Variants in PABPC4L observed in about 807,000 individuals in gnomAD.
PABPC4L encodes poly(A) binding protein cytoplasmic 4 like.
For synonymous variants in PABPC4L, 169 were observed against 164.1 expected (o/e 1.03, Z -0.23); for missense variants, 452 against 451.4 (o/e 1.00, Z -0.01).
the PABPC4L span, among the ~76,000 whole-genome samples, chr4:134,161,392 C>T: frequency 6.6e-6 from 1 of 151,796 alleles, no homozygotes; most frequent in Non-Finnish European, 1.5e-5. Context: ...CAGAACTTTA[C>T]AAACACAAGG....
At chr4:134,050,880 A>ATTTTT in the PABPC4L span, among the ~76,000 whole-genome samples, 1 of 134,732 alleles carries the variant, frequency 7.4e-6, no homozygotes, top group Non-Finnish European at 1.6e-5. Flanking sequence ...ATTGACCTTT[A>ATTTTT]TTTTTTTTTT....
the PABPC4L span, among the ~76,000 whole-genome samples, chr4:133,952,524 G>C: frequency 6.6e-6 from 1 of 152,038 alleles, no homozygotes; most frequent in Admixed American, 6.5e-5. Flanking sequence ...TGACATGCAG[G>C]GTTCCAATAG....
the PABPC4L span, among the ~76,000 whole-genome samples, chr4:134,138,237 A>G: frequency 4.6e-5 from 7 of 151,854 alleles, no homozygotes; most frequent in African/African-American, 1.7e-4. Flanking sequence ...ATTTTGTACT[A>G]GAATATTAAT....
the PABPC4L span, among the ~76,000 whole-genome samples, chr4:134,186,786 C>A: frequency 6.6e-6 from 1 of 152,104 alleles, no homozygotes; most frequent in African/African-American, 2.4e-5. Context: ...TTTTTGCAAT[C>A]TACCCATCTG....
chr4:134,000,956 A>G, the PABPC4L span, among the ~76,000 whole-genome samples: 1 of 152,084 alleles, frequency 6.6e-6, no homozygotes, highest in East Asian at 1.9e-4. Context: ...TAATCTCAGG[A>G]GGCAACACTT....
the PABPC4L span, among the ~76,000 whole-genome samples, chr4:133,966,284 T>C: frequency 1.4e-4 from 21 of 152,012 alleles, no homozygotes; most frequent in Admixed American, 1.4e-3. Context: ...TCTGTAACAA[T>C]GGCCATAATA....
the PABPC4L span, among the ~76,000 whole-genome samples, chr4:134,095,567 C>A: frequency 6.6e-6 from 1 of 151,870 alleles, no homozygotes; most frequent in East Asian, 1.9e-4. Flanking sequence ...ATATTGCATC[C>A]TTGGCCTAAT....
the PABPC4L span, among the ~76,000 whole-genome samples, chr4:134,006,953 A>G: frequency 2.6e-5 from 4 of 151,880 alleles, no homozygotes; most frequent in Non-Finnish European, 4.4e-5. Context: ...CAAGTTTATG[A>G]TATGTAATTA....
chr4:134,142,427 A>G, the PABPC4L span, among the ~76,000 whole-genome samples: 1 of 151,764 alleles, frequency 6.6e-6, no homozygotes, highest in East Asian at 1.9e-4. Context: ...GAATATGCAT[A>G]AAAATATTAA....
the PABPC4L span, among the ~76,000 whole-genome samples, chr4:134,157,305 A>T: frequency 6.6e-6 from 1 of 151,438 alleles, no homozygotes; most frequent in Non-Finnish European, 1.5e-5. Flanking sequence ...TTGTGGTATA[A>T]AATGATGAAT....
At chr4:134,120,527 T>A in the PABPC4L span, among the ~76,000 whole-genome samples, 1 of 150,960 alleles carries the variant, frequency 6.6e-6, no homozygotes, top group Non-Finnish European at 1.5e-5. Flanking sequence ...TAAACAATTG[T>A]TTCATGAAGG....
chr4:134,004,997 C>A, the PABPC4L span, among the ~76,000 whole-genome samples: 5 of 151,804 alleles, frequency 3.3e-5, no homozygotes, highest in African/African-American at 9.6e-5. Flanking sequence ...GGCTAAAGGG[C>A]ACAAAGTTTC....
chr4:134,201,467 G>C (rs1463740883), intron 1 of PABPC4L, among the ~76,000 whole-genome samples: 1 of 152,152 alleles, frequency 6.6e-6, no homozygotes, highest in Non-Finnish European at 1.5e-5. Flanking sequence ...CAGCCGTGGA[G>C]TATGGGCTGC....
the PABPC4L span, among the ~76,000 whole-genome samples, chr4:134,131,855 T>G: frequency 6.6e-6 from 1 of 151,852 alleles, no homozygotes; most frequent in South Asian, 2.1e-4. Flanking sequence ...ATAATACTGT[T>G]GTACAAATAG....
At chr4:134,004,769 A>G in the PABPC4L span, among the ~76,000 whole-genome samples, 1 of 151,964 alleles carries the variant, frequency 6.6e-6, no homozygotes, top group East Asian at 1.9e-4. Context: ...ACAATAGAAT[A>G]CTACTGAGAT....
the PABPC4L span, among the ~76,000 whole-genome samples, chr4:134,055,834 T>G: frequency 6.6e-6 from 1 of 152,170 alleles, no homozygotes; most frequent in African/African-American, 2.4e-5. Context: ...TGTTGAAGTC[T>G]AATTCATCAA....
At chr4:134,095,287 T>C in the PABPC4L span, among the ~76,000 whole-genome samples, 243 of 152,040 alleles carry the variant, frequency 1.6e-3, 3 homozygotes, top group African/African-American at 5.7e-3. Context: ...TCAAAAATAT[T>C]TGCCATAGAG....
At chr4:134,069,153 A>G in the PABPC4L span, among the ~76,000 whole-genome samples, 1,450 of 152,074 alleles carry the variant, frequency 9.5e-3, 26 homozygotes, top group African/African-American at 0.033. Flanking sequence ...TATGTCCCCA[A>G]TCTCTTCTGG....
chr4:134,108,663 G>A, the PABPC4L span, among the ~76,000 whole-genome samples: 3 of 151,760 alleles, frequency 2.0e-5, no homozygotes. Flanking sequence ...TTCCATGTGT[G>A]AATTTTGATG....
Sources: allele counts gnomAD v4.1 joint callset (sites outside exome capture counted in the v4.1 genomes callset), GRCh38; gene constraint gnomAD v4.1.1; transcripts MANE v1.5; gene names NCBI Gene and HGNC (gene_info 2026-07-23, HGNC 2026-07-21).